Variants in BCAS4 observed in about 807,000 individuals in gnomAD.
BCAS4 encodes breast carcinoma amplified sequence 4.
A neutral mutation model predicts 15.7 loss-of-function variants in BCAS4; 9 were observed. The ratio of observed to expected loss-of-function variants is 0.57; its 90% confidence interval spans 0.34 to 1.00. BCAS4 has a LOEUF of 1.00. Among genes scored for constraint, BCAS4 ranks in the 50% least tolerant of loss-of-function variants. The probability of loss-of-function intolerance (pLI) is 0.02; values close to 1 mark genes in which losing one functional copy is unlikely to be tolerated. For missense variants in BCAS4, 225 were observed against 239.1 expected (o/e 0.94, Z 0.39); for synonymous variants, 101 against 99.5 (o/e 1.02, Z -0.09).
At chr20:50,798,377 A>G (rs998308802) in intron 1 of BCAS4, among the ~76,000 whole-genome samples, 2 of 151,810 alleles carry the variant, frequency 1.3e-5, no homozygotes. Context: ...TATATTTAAA[A>G]TAACAGTATA....
At chr20:50,816,056 T>C (rs975891393) in intron 1 of BCAS4, among the ~76,000 whole-genome samples, 2 of 152,222 alleles carry the variant, frequency 1.3e-5, no homozygotes, top group African/African-American at 4.8e-5. Flanking sequence ...AGACAGATCT[T>C]GCTCTGTCTC....
chr20:50,860,852 G>A (rs556393613), intron 4 of BCAS4, among the ~76,000 whole-genome samples: 1 of 152,070 alleles, frequency 6.6e-6, no homozygotes, highest in South Asian at 2.1e-4. Context: ...TGAGCCTGGC[G>A]ACATAGCGAG....
chr20:50,848,387 C>T (rs1038960254), intron 4 of BCAS4, among the ~76,000 whole-genome samples: 2 of 152,226 alleles, frequency 1.3e-5, no homozygotes, highest in East Asian at 1.9e-4. Context: ...GAAGAAAGAG[C>T]GCTCCCGGCC....
intron 3 of BCAS4, among the ~76,000 whole-genome samples, chr20:50,838,378 C>G (rs772497727): frequency 3.3e-5 from 5 of 152,130 alleles, no homozygotes; most frequent in Admixed American, 6.5e-5. Flanking sequence ...CCTGCCGGGG[C>G]TATATGAGAT....
intron 3 of BCAS4, chr20:50,840,668 G>A: frequency 1.2e-6 from 2 of 1,613,146 alleles, no homozygotes; most frequent in South Asian, 1.1e-5. Context: ...GAAGGCAGTG[G>A]ATTTTTCTCT....
chr20:50,844,904 A>C (rs538431244), intron 4 of BCAS4, among the ~76,000 whole-genome samples: 8 of 152,080 alleles, frequency 5.3e-5, no homozygotes, highest in Admixed American at 2.0e-4. Flanking sequence ...TCATTCAGCA[A>C]CCCCAGTGTG....
Position 50,841,842 on chromosome 20 carries a change from C to A in BCAS4, c.341C>A (p.Ala114Asp). Residue 114 changes from alanine (A) to aspartate (D), a missense_variant, in exon 4 of 5, where the codon GCC (alanine) becomes GAC (aspartate). Transcript: ENST00000371608. ...DVLQAERDHG[A>D]FPQALRRWLG... ...CTTCAGGCTGAGCGGGACCATGGGGCCTTCCCTCAGGCCCTGCGGAGGTGG... is the reference window on the plus strand; with the variant it reads ...CTTCAGGCTGAGCGGGACCATGGGGACTTCCCTCAGGCCCTGCGGAGGTGG... 1 of 1,612,938 alleles carries A rather than the reference C, an allele frequency of 6.2e-7. No homozygotes were observed. Among genetic ancestry groups the A allele is most frequent in the Non-Finnish European group, 8.5e-7 (1 of 1,179,482 alleles).
intron 4 of BCAS4, among the ~76,000 whole-genome samples, chr20:50,853,428 C>T (rs1201303262): frequency 2.6e-5 from 4 of 152,118 alleles, no homozygotes; most frequent in Non-Finnish European, 1.5e-5. Context: ...GTGTAAGCCA[C>T]CTCACCCAGC....
intron 1 of BCAS4, among the ~76,000 whole-genome samples, chr20:50,801,541 A>C (rs1327832969): frequency 1.3e-5 from 2 of 152,026 alleles, no homozygotes; most frequent in Non-Finnish European, 2.9e-5. Context: ...GGGTCTTGCT[A>C]TGTTGCCCAG....
chr20:50,877,016 A>G lies in BCAS4; in HGVS notation c.*408A>G, dbSNP rs1352033287. 2 of 157,458 alleles carry G rather than the reference A, an allele frequency of 1.3e-5. No individual in the cohort carries two copies. The highest frequency in any genetic ancestry group is 4.8e-5 in the African/African-American group (2 of 41,514). 9.8% of individuals were successfully genotyped at this position (157,458 alleles called of 1,614,324 possible). A position where few individuals can be genotyped will look rare whatever the true frequency, so the allele number is the denominator to read the frequency against. The stretch of plus-strand genomic sequence containing the variant: ...GACAGTGGGGACTTTCCTTCTCTCC[A>G]TGATGGCTTTGCAGGGGCTCCATGG... On this transcript the variant is annotated 3_prime_UTR_variant, in exon 5 of 5. Transcript: ENST00000371608.
chr20:50,838,377 G>A (rs1034626738), intron 3 of BCAS4, among the ~76,000 whole-genome samples: 9 of 152,176 alleles, frequency 5.9e-5, no homozygotes, highest in African/African-American at 2.2e-4. Context: ...GCCTGCCGGG[G>A]CTATATGAGA....
intron 3 of BCAS4, 105 bp downstream of exon 3, chr20:50,830,485 A>G: frequency 1.2e-6 from 1 of 844,232 alleles, no homozygotes; most frequent in Non-Finnish European, 1.9e-6. Context: ...CATTATGCCC[A>G]ATGCAGGGGG....
rs543306129 is a variant in BCAS4 at position 50,841,678 on chromosome 20, C to G, written c.265-88C>G. 6.3e-6 allele frequency: 10 copies of G among 1,581,818 alleles called. No individual in the cohort carries two copies. In the Admixed American group the frequency reaches 1.7e-4, roughly 27 times the overall value. On this transcript the variant is annotated intron_variant, in intron 3 of 4. Coordinates refer to ENST00000371608, the MANE Select transcript of BCAS4 (RefSeq NM_198799.4). ...GAGGCTGGTCGCAGTGATGAAAGGC[C>G]TGGAGTCCCCACCAGCCCAGGGAGT...
chr20:50,872,348 A>G (rs1448753284), intron 4 of BCAS4, among the ~76,000 whole-genome samples: 1 of 149,866 alleles, frequency 6.7e-6, no homozygotes, highest in Non-Finnish European at 1.5e-5. Context: ...AGGTGGGTGG[A>G]TCACGAGGTC....
At chr20:50,868,611 G>A (rs1459976564) in intron 4 of BCAS4, among the ~76,000 whole-genome samples, 1 of 152,156 alleles carries the variant, frequency 6.6e-6, no homozygotes, top group Non-Finnish European at 1.5e-5. Context: ...TTATAGAGAT[G>A]GGGGTCTCGT....
intron 3 of BCAS4, among the ~76,000 whole-genome samples, chr20:50,831,633 C>T (rs1468803276): frequency 6.6e-6 from 1 of 152,142 alleles, no homozygotes; most frequent in Non-Finnish European, 1.5e-5. Flanking sequence ...GGAGCATAAG[C>T]TTTGCAAGGT....
intron 4 of BCAS4, among the ~76,000 whole-genome samples, chr20:50,871,243 C>T (rs914051555): frequency 6.6e-6 from 1 of 152,204 alleles, no homozygotes; most frequent in African/African-American, 2.4e-5. Flanking sequence ...CCCTCCCTCC[C>T]GGGACCCCTG....
chr20:50,836,821 C>T (rs1204551648), intron 3 of BCAS4, among the ~76,000 whole-genome samples: 4 of 152,176 alleles, frequency 2.6e-5, no homozygotes, highest in Non-Finnish European at 2.9e-5. Flanking sequence ...GATCCTCTCA[C>T]CTCAGCCTCT....
In BCAS4 at chr20:50,871,894, C is replaced by A. The variant is rs569258955; in HGVS notation, c.400-4592C>A. Among the ~76,000 whole-genome samples the A allele has an allele frequency of 2.0e-5, 3 of 152,302 alleles. No individual in the cohort carries two copies. The East Asian group carries it at 5.8e-4, about 29-fold the overall frequency. On this transcript the variant is annotated intron_variant, in intron 4 of 4. Transcript: ENST00000371608. ...TCACATGGGCTAGGCCTGCTCTTGG[C>A]CCCAGCCTGAGCTGTGGGGGAGGTG... is the stretch of plus-strand genomic sequence containing the variant.
Sources: allele counts gnomAD v4.1 joint callset (sites outside exome capture counted in the v4.1 genomes callset), GRCh38; gene constraint gnomAD v4.1.1; transcripts MANE v1.5; gene names NCBI Gene and HGNC (gene_info 2026-07-23, HGNC 2026-07-21).